KCNIP4: variants seen among roughly 807,000 people sequenced by gnomAD.
KCNIP4 encodes Kv channel-interacting protein 4.
A neutral mutation model predicts 34.0 loss-of-function variants in KCNIP4; 12 were observed. The ratio of observed to expected loss-of-function variants is 0.35; its 90% CI spans 0.23 to 0.57. KCNIP4 has a LOEUF of 0.57. Among genes scored for constraint, KCNIP4 ranks in the 20% least tolerant of loss-of-function variants. The probability of loss-of-function intolerance (pLI) is 0.83; values close to 1 mark genes in which losing one functional copy is unlikely to be tolerated. For missense variants in KCNIP4, 238 were observed against 311.7 expected (o/e 0.76, Z 1.78); for synonymous variants, 124 against 102.2 (o/e 1.21, Z -1.29).
chr4:21,507,291 G>A (rs1733926748), intron 1 of KCNIP4, among the ~76,000 whole-genome samples: 2 of 150,830 alleles, frequency 1.3e-5, no homozygotes, highest in Non-Finnish European at 3.0e-5. Context: ...TTGAGACAGA[G>A]TCTCACTCTG....
intron 3 of KCNIP4, among the ~76,000 whole-genome samples, chr4:20,823,272 G>C (rs544137648): frequency 6.6e-6 from 1 of 152,118 alleles, no homozygotes; most frequent in Admixed American, 6.6e-5. Flanking sequence ...TGGAATATGG[G>C]AAAAGGCCAA....
At chr4:21,296,472 AT>A (rs1763847638) in intron 1 of KCNIP4, among the ~76,000 whole-genome samples, 1 of 151,348 alleles carries the variant, frequency 6.6e-6, no homozygotes, top group African/African-American at 2.4e-5. Flanking sequence ...ATAACTTATT[AT>A]AATCTTATAC....
intron 1 of KCNIP4, among the ~76,000 whole-genome samples, chr4:21,108,869 AC>A (rs1692806333): frequency 6.6e-6 from 1 of 152,126 alleles, no homozygotes; most frequent in South Asian, 2.1e-4. Context: ...TCCACTCCAG[AC>A]CCTGTTTGCC....
chr4:21,336,165 C>G (rs1046813168), intron 1 of KCNIP4, among the ~76,000 whole-genome samples: 1 of 151,978 alleles, frequency 6.6e-6, no homozygotes, highest in Admixed American at 6.6e-5. Flanking sequence ...TACATTGATA[C>G]GTGAGTTCTA....
At chr4:21,502,990 G>A (rs187196) in intron 1 of KCNIP4, among the ~76,000 whole-genome samples, 24,262 of 152,046 alleles carry the variant, frequency 0.16, 2,321 homozygotes, top group East Asian at 0.51. Context: ...ACATCTAACA[G>A]TTGTCTCAGT....
At chr4:20,846,775 T>C (rs1226580159) in intron 3 of KCNIP4, among the ~76,000 whole-genome samples, 2 of 152,232 alleles carry the variant, frequency 1.3e-5, no homozygotes, top group Non-Finnish European at 2.9e-5. Context: ...CATTTCTTTT[T>C]GTGCTAGAAG....
chr4:21,627,163 C>A (rs1745398349), intron 1 of KCNIP4, among the ~76,000 whole-genome samples: 1 of 150,580 alleles, frequency 6.6e-6, no homozygotes, highest in Non-Finnish European at 1.5e-5. Flanking sequence ...AAATCTCCAC[C>A]TTGTTGAATA....
intron 1 of KCNIP4, among the ~76,000 whole-genome samples, chr4:21,516,667 G>T (rs1734790635): frequency 1.3e-5 from 2 of 152,234 alleles, no homozygotes; most frequent in South Asian, 4.1e-4. Context: ...ACCCTGTGGA[G>T]TTGTGTCTGG....
chr4:21,480,697 A>G (rs1731346837), intron 1 of KCNIP4, among the ~76,000 whole-genome samples: 1 of 152,198 alleles, frequency 6.6e-6, no homozygotes, highest in Non-Finnish European at 1.5e-5. Flanking sequence ...AATCTATAAA[A>G]CACATAGAAT....
intron 1 of KCNIP4, among the ~76,000 whole-genome samples, chr4:21,808,113 G>A (rs1334310659): frequency 6.6e-6 from 1 of 152,124 alleles, no homozygotes; most frequent in Non-Finnish European, 1.5e-5. Flanking sequence ...ATATCATAGG[G>A]TAGAAAGGAT....
intron 2 of KCNIP4, among the ~76,000 whole-genome samples, chr4:20,859,309 C>T (rs1328340741): frequency 2.0e-5 from 3 of 152,204 alleles, no homozygotes; most frequent in Admixed American, 6.6e-5. Context: ...CCAGATGGGA[C>T]TCTGGCCTCT....
At chr4:21,362,031 G>C (rs1338875233) in intron 1 of KCNIP4, among the ~76,000 whole-genome samples, 1 of 152,000 alleles carries the variant, frequency 6.6e-6, no homozygotes, top group Non-Finnish European at 1.5e-5. Context: ...TTAGATACCT[G>C]CTGGGGTAAG....
chr4:21,192,946 CTACTACTAATAA>C (rs1382880670), intron 1 of KCNIP4, among the ~76,000 whole-genome samples: 9 of 145,040 alleles, frequency 6.2e-5, no homozygotes, highest in Admixed American at 3.5e-4. Context: ...ACTACTACTA[CTACTACTAATAA>C]TAATAATAAT....
At chr4:21,591,786 CATCT>C (rs200968490) in intron 1 of KCNIP4, among the ~76,000 whole-genome samples, 1,621 of 152,198 alleles carry the variant, frequency 0.011, 29 homozygotes, top group African/African-American at 0.038. Context: ...GTTATTTTAA[CATCT>C]ATCAGAAACA....
intron 3 of KCNIP4, among the ~76,000 whole-genome samples, chr4:20,793,916 C>T (rs1248754645): frequency 1.3e-5 from 2 of 152,046 alleles, no homozygotes; most frequent in Non-Finnish European, 2.9e-5. Context: ...CCACAATTCC[C>T]ATGTGTTGTG....
chr4:21,843,272 G>C (rs1464069169), intron 1 of KCNIP4: 1 of 151,956 alleles, frequency 6.6e-6, no homozygotes, highest in Non-Finnish European at 1.5e-5. Context: ...ACTTTGTCAA[G>C]GATCTTATAT....
intron 1 of KCNIP4, among the ~76,000 whole-genome samples, chr4:21,027,090 AG>A (rs1284982165): frequency 2.6e-5 from 4 of 152,242 alleles, no homozygotes; most frequent in Admixed American, 2.6e-4. Context: ...GGGTGTGGAT[AG>A]ATCAGTTTCT....
chr4:21,437,094 T>C (rs1230598717), intron 1 of KCNIP4, among the ~76,000 whole-genome samples: 2 of 152,180 alleles, frequency 1.3e-5, no homozygotes, highest in Non-Finnish European at 2.9e-5. Flanking sequence ...CTGGACATAT[T>C]AGAATGCTCA....
chr4:20,750,286 AACCAGGCTAGCCCTCAGCCAGT>A (rs1211434509), intron 4 of KCNIP4, among the ~76,000 whole-genome samples: 1 of 152,086 alleles, frequency 6.6e-6, no homozygotes, highest in Non-Finnish European at 1.5e-5. Flanking sequence ...TGACTCTGAG[AACCAGGCTAGCCCTCAGCCAGT>A]ACCAGGCTAG....
Sources: gnomAD v4.1 joint callset for allele counts (sites outside exome capture counted in the v4.1 genomes callset) on GRCh38, gnomAD v4.1.1 for gene constraint, MANE v1.5 for transcripts, NCBI Gene and HGNC (gene_info 2026-07-23, HGNC 2026-07-21) for gene names.